TENM3: variants seen among roughly 807,000 people sequenced by gnomAD.
TENM3 encodes teneurin-3.
TENM3 carries 63 observed loss-of-function variants against 255.1 expected under a neutral mutation model. The ratio of observed to expected loss-of-function variants is 0.25; its 90% CI spans 0.20 to 0.30. TENM3 has a LOEUF of 0.30. Ranked by LOEUF, TENM3 falls within the 10% of genes least tolerant of loss-of-function variation. The pLI is 1.00. For synonymous variants in TENM3, 1,306 were observed against 1,322.3 expected (o/e 0.99, Z 0.27); for missense variants, 2,929 against 3,461.1 (o/e 0.85, Z 3.86).
At chr4:181,776,174 G>A in the TENM3 span, among the ~76,000 whole-genome samples, 2 of 152,066 alleles carry the variant, frequency 1.3e-5, no homozygotes, top group Non-Finnish European at 2.9e-5. Context: ...AACAGGCAAT[G>A]TTTCTGTTTC....
At chr4:182,665,033 A>G (rs185826644) in intron 6 of TENM3, among the ~76,000 whole-genome samples, 11 of 152,336 alleles carry the variant, frequency 7.2e-5, no homozygotes, top group South Asian at 6.2e-4. Flanking sequence ...CAGATTTTCA[A>G]TGTAGATGAA....
the TENM3 span, among the ~76,000 whole-genome samples, chr4:181,929,193 G>A: frequency 6.6e-6 from 1 of 152,144 alleles, no homozygotes; most frequent in African/African-American, 2.4e-5. Context: ...AACCTTAAAT[G>A]TAAATGGGCT....
chr4:181,856,711 A>C, the TENM3 span, among the ~76,000 whole-genome samples: 1 of 152,154 alleles, frequency 6.6e-6, no homozygotes, highest in Non-Finnish European at 1.5e-5. Flanking sequence ...TTCCCTGGGC[A>C]GGCTGCTCCT....
At chr4:182,319,754 T>C (rs1279090666) in intron 1 of TENM3, among the ~76,000 whole-genome samples, 2 of 152,220 alleles carry the variant, frequency 1.3e-5, no homozygotes, top group Non-Finnish European at 2.9e-5. Context: ...GATTATCTAA[T>C]TTGCAAGATT....
chr4:182,280,656 A>G (rs577892860), intron 1 of TENM3, among the ~76,000 whole-genome samples: 2 of 152,296 alleles, frequency 1.3e-5, no homozygotes, highest in South Asian at 2.1e-4. Flanking sequence ...TTGGCGCGGT[A>G]CGGAAAATTG....
chr4:181,932,860 T>C, the TENM3 span, among the ~76,000 whole-genome samples: 1 of 152,150 alleles, frequency 6.6e-6, no homozygotes, highest in Non-Finnish European at 1.5e-5. Flanking sequence ...TCATGTCCTT[T>C]CCAGGGACAT....
chr4:181,725,717 C>T, the TENM3 span, among the ~76,000 whole-genome samples: 2 of 152,110 alleles, frequency 1.3e-5, no homozygotes, highest in African/African-American at 4.8e-5. Flanking sequence ...GCAGGGATTA[C>T]AGGCGTGAAC....
intron 1 of TENM3, among the ~76,000 whole-genome samples, chr4:182,220,378 CAAA>C (rs60851113): frequency 3.6e-4 from 28 of 77,494 alleles, no homozygotes; most frequent in African/African-American, 8.8e-4. Flanking sequence ...CTCTGTCTCA[CAAA>C]AAAAAAAAAA....
At chr4:182,617,907 T>C (rs187391397) in intron 4 of TENM3, among the ~76,000 whole-genome samples, 1 of 152,298 alleles carries the variant, frequency 6.6e-6, no homozygotes, top group East Asian at 1.9e-4. Flanking sequence ...ATATAATAGA[T>C]GTTACTACAC....
At chr4:182,207,686 A>G in intron 1 of TENM3, among the ~76,000 whole-genome samples, 1 of 152,220 alleles carries the variant, frequency 6.6e-6, no homozygotes, top group East Asian at 1.9e-4. Flanking sequence ...GGGTGTCTGA[A>G]AATTTCTTAA....
intron 3 of TENM3, among the ~76,000 whole-genome samples, chr4:182,577,255 G>A (rs551944046): frequency 6.6e-6 from 1 of 152,348 alleles, no homozygotes; most frequent in Non-Finnish European, 1.5e-5. Context: ...CAAAAGCGAG[G>A]AGGCAATAAA....
intron 4 of TENM3, among the ~76,000 whole-genome samples, chr4:182,613,959 C>T (rs1171221476): frequency 6.6e-6 from 1 of 152,062 alleles, no homozygotes; most frequent in East Asian, 1.9e-4. Flanking sequence ...TGAAAGTTTT[C>T]CAAAGATAAT....
intron 3 of TENM3, among the ~76,000 whole-genome samples, chr4:182,507,672 T>TA (rs1272317618): frequency 2.0e-5 from 3 of 152,210 alleles, no homozygotes; most frequent in African/African-American, 7.2e-5. Context: ...ATTTTCAACT[T>TA]AGAGAACGAG....
chr4:182,717,019 A>G (rs1407722886), intron 13 of TENM3, among the ~76,000 whole-genome samples: 1 of 151,426 alleles, frequency 6.6e-6, no homozygotes, highest in Non-Finnish European at 1.5e-5. Flanking sequence ...CAGTGTTTGT[A>G]AAAGAAGAGC....
chr4:182,631,431 A>ATTTTAT (rs1437004178), intron 5 of TENM3: 1 of 152,202 alleles, frequency 6.6e-6, no homozygotes, highest in Non-Finnish European at 1.5e-5. Flanking sequence ...TAACACAATG[A>ATTTTAT]TTTTATTTTT....
At chr4:181,894,060 A>G in the TENM3 span, among the ~76,000 whole-genome samples, 1 of 152,154 alleles carries the variant, frequency 6.6e-6, no homozygotes, top group Non-Finnish European at 1.5e-5. Flanking sequence ...CTAGCAGGTA[A>G]GAAGAAAACA....
chr4:182,618,940 C>T (rs914474671), intron 4 of TENM3, among the ~76,000 whole-genome samples: 12 of 141,404 alleles, frequency 8.5e-5, no homozygotes, highest in African/African-American at 3.0e-4. Flanking sequence ...GTTGACTACT[C>T]GGGGGTGGGG....
the TENM3 span, among the ~76,000 whole-genome samples, chr4:181,547,085 T>C: frequency 6.6e-6 from 1 of 152,154 alleles, no homozygotes; most frequent in African/African-American, 2.4e-5. Flanking sequence ...TAGTTGAGAA[T>C]TCTAAAACAT....
chr4:182,512,184 C>T (rs1353804526), intron 3 of TENM3, among the ~76,000 whole-genome samples: 1 of 152,216 alleles, frequency 6.6e-6, no homozygotes, highest in Non-Finnish European at 1.5e-5. Flanking sequence ...TCCCCACTCC[C>T]TTGCACGTAG....
Sources: gnomAD v4.1 joint callset for allele counts (sites outside exome capture counted in the v4.1 genomes callset) on GRCh38, gnomAD v4.1.1 for gene constraint, MANE v1.5 for transcripts, NCBI Gene and HGNC (gene_info 2026-07-23, HGNC 2026-07-21) for gene names.